The following KANK1 variants were observed in gnomAD, a reference collection of about 807,000 sequenced individuals.
KANK1 encodes the protein KN motif and ankyrin repeat domain-containing protein 1.
A neutral mutation model predicts 106.2 loss-of-function variants in KANK1; 109 were observed. The observed-to-expected ratio is 1.03, with a 90% CI of 0.88 to 1.20. KANK1 has a LOEUF of 1.20. Among genes scored for constraint, KANK1 ranks in the 50% most tolerant of loss-of-function variants. The pLI is 0.00. For missense variants in KANK1, 2,399 were observed against 1,710.7 expected (o/e 1.40, Z -7.10); for synonymous variants, 873 against 652.2 (o/e 1.34, Z -5.16).
chr9:593,071 C>G (rs1015407617), intron 1 of KANK1, among the ~76,000 whole-genome samples: 2 of 151,760 alleles, frequency 1.3e-5, no homozygotes, highest in African/African-American at 2.4e-5. Flanking sequence ...AGTAGACAAT[C>G]TTGTTTTAGA....
chr9:614,000 T>C (rs1326912154), intron 1 of KANK1, among the ~76,000 whole-genome samples: 9 of 152,168 alleles, frequency 5.9e-5, no homozygotes, highest in Admixed American at 5.9e-4. Flanking sequence ...AAGAAGGCGC[T>C]GTGCATAGCG....
intron 9 of KANK1, 120 bp from the exon 10 acceptor site, chr9:742,085 T>A: frequency 1.2e-6 from 1 of 836,008 alleles, no homozygotes; most frequent in South Asian, 1.6e-5. Flanking sequence ...AGTAGTTCCA[T>A]CGCCAGTTCT....
In KANK1 at chr9:730,214, C is replaced by T. The variant is rs1831828219; in HGVS notation, c.2862C>T (p.Asn954=). Reference sequence around the variant, plus strand: ...AGGAAGGTACGCTGTCTCCAGTGAACCTGACAGACGACCAGATCGCCGCTG... The same window carrying T: ...AGGAAGGTACGCTGTCTCCAGTGAATCTGACAGACGACCAGATCGCCGCTG... ...PTQEGTLSPV[N]LTDDQIAAGL... is the part of the protein sequence containing the mutation. The change falls in exon 4 of 12, where the codon AAC becomes AAT. Residue 954 remains asparagine, a synonymous_variant. Coordinates refer to ENST00000382297, the MANE Select transcript of KANK1 (RefSeq NM_015158.5). The T allele has an allele frequency of 1.9e-6, 3 of 1,614,192 alleles. No homozygotes were observed. The highest frequency in any genetic ancestry group is 1.7e-6 in the Non-Finnish European group (2 of 1,180,032).
chr9:729,264 C>G (rs559189527), intron 3 of KANK1, among the ~76,000 whole-genome samples: 7 of 152,256 alleles, frequency 4.6e-5, no homozygotes, highest in Non-Finnish European at 8.8e-5. Flanking sequence ...ACAAGGGAGT[C>G]TAAAACCATC....
At chr9:518,276 G>A (rs1447640212) in intron 1 of KANK1, among the ~76,000 whole-genome samples, 10 of 151,718 alleles carry the variant, frequency 6.6e-5, no homozygotes, top group Admixed American at 2.0e-4. Flanking sequence ...ACCTGTTGAG[G>A]CCCATCTGAT....
intron 3 of KANK1, among the ~76,000 whole-genome samples, chr9:720,699 C>T (rs1315276404): frequency 3.3e-5 from 5 of 152,148 alleles, no homozygotes; most frequent in African/African-American, 1.2e-4. Flanking sequence ...TTCTGTCACC[C>T]AGGTTGGAAT....
chr9:539,414 AGT>A (rs1433333045), intron 1 of KANK1: 8 of 152,242 alleles, frequency 5.3e-5, no homozygotes, highest in African/African-American at 1.9e-4. Context: ...TTATGTCTTC[AGT>A]TTCTTTTAGC....
chr9:738,426 G>C lies in KANK1; in HGVS notation c.3475G>C (p.Asp1159His). ...CCTCCGCTATGTCATCAACTTGGCA[G>C]ACGGCAACGGCAACACAGCCCTCCA... ...DVLRYVINLA[D>H]GNGNTALHYS... The change falls in exon 8 of 12, where the codon GAC becomes CAC. Residue 1159 changes from aspartate to histidine, a missense_variant. Physicochemically the swap from Asp to His is moderately conservative, Grantham distance 81. Coordinates refer to ENST00000382297, the MANE Select transcript of KANK1 (RefSeq NM_015158.5). The C allele has an allele frequency of 1.2e-6, 2 of 1,614,142 alleles. No individual in the cohort carries two copies. Among genetic ancestry groups the C allele is most frequent in the East Asian group, 2.2e-5 (1 of 44,880 alleles).
chr9:692,593 T>C (rs1456126388), intron 2 of KANK1, among the ~76,000 whole-genome samples: 1 of 152,062 alleles, frequency 6.6e-6, no homozygotes, highest in Non-Finnish European at 1.5e-5. Context: ...TTGATAAGTT[T>C]TAGTATATGT....
intron 1 of KANK1, among the ~76,000 whole-genome samples, chr9:668,348 A>ATC (rs35261485): frequency 1.1e-4 from 16 of 151,350 alleles, no homozygotes; most frequent in East Asian, 5.8e-4. Flanking sequence ...TTGTATTATA[A>ATC]TCTCTCTCTC....
chr9:481,892 A>G lies in KANK1; in HGVS notation c.-362+8619A>G, dbSNP rs74307559. Among the ~76,000 whole-genome samples, 57 of 152,222 alleles carry G rather than the reference A, an allele frequency of 3.7e-4. 1 individual carries two copies. The East Asian group carries it at 8.9e-3, about 24-fold the overall frequency. ...ACATTCAGCTAAATGGAGAGTGTAT[A>G]GGAGGATAGAGTTGTTAGATAGTAA... On this transcript the variant is annotated intron_variant, in intron 3 of 15. Coordinates refer to the KANK1 transcript ENST00000382303.
At chr9:548,385 G>C (rs2061063607) in intron 1 of KANK1, among the ~76,000 whole-genome samples, 2 of 152,270 alleles carry the variant, frequency 1.3e-5, no homozygotes, top group East Asian at 3.9e-4. Context: ...GGGGGTTCCT[G>C]AGCTTTTTAT....
intron 1 of KANK1, among the ~76,000 whole-genome samples, chr9:599,968 C>T (rs944570205): frequency 2.6e-5 from 4 of 151,640 alleles, no homozygotes; most frequent in African/African-American, 9.7e-5. Flanking sequence ...CCCACATCAA[C>T]GTATGTCCAT....
intron 2 of KANK1, chr9:693,313 G>T: frequency 1.1e-6 from 1 of 876,674 alleles, no homozygotes; most frequent in Non-Finnish European, 1.4e-6. Context: ...CTGTGCTATA[G>T]CTCAAATTGT....
At chr9:561,161 G>C (rs144788164) in intron 1 of KANK1, among the ~76,000 whole-genome samples, 1 of 152,168 alleles carries the variant, frequency 6.6e-6, no homozygotes, top group African/African-American at 2.4e-5. Context: ...GTGGAAAGGA[G>C]AGCAAAGTTA....
chr9:489,202 A>G (rs575897173), intron 3 of KANK1: 1 of 152,330 alleles, frequency 6.6e-6, no homozygotes, highest in African/African-American at 2.4e-5. Context: ...TTCAAAATTC[A>G]TAGGCCTGGT....
intron 7 of KANK1, 141 bp from the exon 8 acceptor site, chr9:738,144 C>T: frequency 1.5e-6 from 1 of 662,018 alleles, no homozygotes; most frequent in Non-Finnish European, 2.6e-6. Flanking sequence ...TGAAGCTTCT[C>T]TTAGGGCTGT....
chr9:557,168 G>C (rs889776382), intron 1 of KANK1, among the ~76,000 whole-genome samples: 2 of 139,902 alleles, frequency 1.4e-5, no homozygotes, highest in African/African-American at 5.3e-5. Flanking sequence ...GTGTGACAGA[G>C]CAAGACCATG....
intron 1 of KANK1, among the ~76,000 whole-genome samples, chr9:625,976 A>T (rs1415013315): frequency 6.6e-6 from 1 of 151,904 alleles, no homozygotes; most frequent in African/African-American, 2.4e-5. Context: ...CACTCCATTC[A>T]ACTTTCTGGA....
Sources: gnomAD v4.1 joint callset for allele counts (sites outside exome capture counted in the v4.1 genomes callset) on GRCh38, gnomAD v4.1.1 for gene constraint, MANE v1.5 for transcripts, NCBI Gene and HGNC (gene_info 2026-07-23, HGNC 2026-07-21) for gene names.